Variants in CYP7B1 observed in about 807,000 individuals in gnomAD.
CYP7B1 encodes cytochrome P450 7B1.
Under a neutral mutation model 42.7 loss-of-function variants are expected in CYP7B1, and 29 were observed. The ratio of observed to expected loss-of-function variants is 0.68; its 90% CI spans 0.51 to 0.93. CYP7B1 has a LOEUF of 0.93. Among genes scored for constraint, CYP7B1 ranks in the 40% least tolerant of loss-of-function variants. CYP7B1 has a pLI of 0.00. For missense variants in CYP7B1, 655 were observed against 600.5 expected (o/e 1.09, Z -0.95); for synonymous variants, 235 against 218.2 (o/e 1.08, Z -0.68).
intron 1 of CYP7B1, among the ~76,000 whole-genome samples, chr8:64,650,792 T>C (rs1302537165): frequency 6.6e-6 from 1 of 152,208 alleles, no homozygotes; most frequent in Non-Finnish European, 1.5e-5. Flanking sequence ...AAACTTACAA[T>C]TTAATAACAT....
intron 1 of CYP7B1, among the ~76,000 whole-genome samples, chr8:64,733,621 C>A (rs1320385364): frequency 6.6e-6 from 1 of 152,128 alleles, no homozygotes; most frequent in Admixed American, 6.6e-5. Flanking sequence ...CTGACACAGG[C>A]TTGGCATTTT....
At chr8:64,664,431 T>C (rs1806245075) in intron 1 of CYP7B1, among the ~76,000 whole-genome samples, 1 of 152,214 alleles carries the variant, frequency 6.6e-6, no homozygotes, top group Non-Finnish European at 1.5e-5. Context: ...ATTTAATCTC[T>C]ACAGCCACCC....
intron 1 of CYP7B1, among the ~76,000 whole-genome samples, chr8:64,756,781 C>G (rs1807814661): frequency 6.6e-6 from 1 of 152,172 alleles, no homozygotes; most frequent in Non-Finnish European, 1.5e-5. Flanking sequence ...CACTAATTTT[C>G]TTTGTAACTT....
At position 64,604,746 on chromosome 8, in the gene CYP7B1, C is replaced by G. The variant is rs1805251940; in HGVS notation, c.1169G>C (p.Gly390Ala). The stretch of plus-strand genomic sequence containing the variant: ...TGGAGGAAAGATGGCTACCAAGTCT[C>G]CCTTTCGCACACAGTAGTCCCCGGT... ...SETGDYCVRK[G>A]DLVAIFPPVL... The change falls in exon 5 of 6, where the codon GGA becomes GCA. Residue 390 changes from glycine to alanine, a missense_variant. By Grantham distance (60) the Gly-to-Ala change is moderately conservative. Transcript: ENST00000310193. 6.2e-7 allele frequency: 1 copy of G among 1,614,044 alleles called. No individual in the cohort carries two copies. The highest frequency in any genetic ancestry group is 1.1e-5 in the South Asian group (1 of 91,080).
At chr8:64,779,758 C>T (rs1050233345) in intron 1 of CYP7B1, among the ~76,000 whole-genome samples, 2 of 152,120 alleles carry the variant, frequency 1.3e-5, no homozygotes, top group African/African-American at 4.8e-5. Flanking sequence ...TCTCATCCTA[C>T]TATTATTTGT....
chr8:64,786,909 C>G (rs1224978955), intron 1 of CYP7B1, among the ~76,000 whole-genome samples: 1 of 152,230 alleles, frequency 6.6e-6, no homozygotes, highest in East Asian at 1.9e-4. Flanking sequence ...CACCCACAGG[C>G]TCAACACCAC....
chr8:64,730,901 TC>T (rs2129633072), intron 1 of CYP7B1, among the ~76,000 whole-genome samples: 1 of 152,132 alleles, frequency 6.6e-6, no homozygotes, highest in East Asian at 1.9e-4. Context: ...ATGGAAGCGG[TC>T]CCCTCATGCT....
chr8:64,714,950 C>A (rs1807133603), intron 1 of CYP7B1, among the ~76,000 whole-genome samples: 1 of 152,102 alleles, frequency 6.6e-6, no homozygotes, highest in South Asian at 2.1e-4. Flanking sequence ...GGAATTTAAA[C>A]CATCCAACAA....
intron 1 of CYP7B1, among the ~76,000 whole-genome samples, chr8:64,785,779 T>C (rs1184040607): frequency 1.3e-5 from 2 of 152,096 alleles, no homozygotes; most frequent in Non-Finnish European, 2.9e-5. Flanking sequence ...ATACTGTAAC[T>C]GTATTAGTTC....
intron 1 of CYP7B1, among the ~76,000 whole-genome samples, chr8:64,744,864 C>A (rs1407971958): frequency 2.0e-5 from 3 of 152,088 alleles, no homozygotes; most frequent in East Asian, 1.9e-4. Flanking sequence ...TAGCAAATAA[C>A]CCATTTAAAC....
chr8:64,710,637 C>A (rs906543384), intron 1 of CYP7B1, among the ~76,000 whole-genome samples: 63 of 152,092 alleles, frequency 4.1e-4, no homozygotes, highest in Non-Finnish European at 5.1e-4. Context: ...GATTCAGAAA[C>A]CTCCTTTGTA....
At chr8:64,786,128 G>T (rs112159589) in intron 1 of CYP7B1, among the ~76,000 whole-genome samples, 6,266 of 152,172 alleles carry the variant, frequency 0.041, 162 homozygotes, top group Non-Finnish European at 0.061. Context: ...ATGAGATTTG[G>T]GTGGGGGAAC....
intron 1 of CYP7B1, among the ~76,000 whole-genome samples, chr8:64,768,715 C>A (rs1312979744): frequency 1.3e-5 from 2 of 152,120 alleles, no homozygotes; most frequent in African/African-American, 2.4e-5. Context: ...AGCAAAGTAG[C>A]TTATCTAAGA....
chr8:64,693,840 C>A (rs1183818772), intron 1 of CYP7B1, among the ~76,000 whole-genome samples: 2 of 152,152 alleles, frequency 1.3e-5, no homozygotes, highest in African/African-American at 2.4e-5. Context: ...TCCTAGCAAC[C>A]AAGCCTGTGA....
chr8:64,774,003 G>A (rs1257008303), intron 1 of CYP7B1, among the ~76,000 whole-genome samples: 4 of 152,122 alleles, frequency 2.6e-5, no homozygotes, highest in Non-Finnish European at 5.9e-5. Flanking sequence ...ATGACCTTTG[G>A]GGGATACATT....
At position 64,624,532 on chromosome 8, in the gene CYP7B1, C is replaced by A. The variant is rs760725237; in HGVS notation, c.130G>T (p.Gly44Cys). The A allele has an allele frequency of 6.2e-7, 1 of 1,612,866 alleles. No individual in the cohort carries two copies. The highest frequency in any genetic ancestry group is 8.5e-7 in the Non-Finnish European group (1 of 1,179,762). ...CLLVRRTRRP[G>C]EPPLIKGWLP... ...CAACCTTTTATCAATGGAGGCTCAC[C>A]GGGTCTCCTACAAGGAAAAAAAAAA... Residue 44 changes from glycine (G) to cysteine (C), a missense_variant, in exon 2 of 6, where the codon GGT becomes TGT. Coordinates refer to ENST00000310193, the MANE Select transcript of CYP7B1 (RefSeq NM_004820.5).
chr8:64,729,926 T>C (rs1807383612), intron 1 of CYP7B1, among the ~76,000 whole-genome samples: 1 of 152,216 alleles, frequency 6.6e-6, no homozygotes, highest in Admixed American at 6.5e-5. Context: ...TTCACTAAGT[T>C]CCTCTGGCTG....
chr8:64,690,804 G>C (rs886150410), intron 1 of CYP7B1, among the ~76,000 whole-genome samples: 6 of 152,204 alleles, frequency 3.9e-5, no homozygotes, highest in Admixed American at 2.0e-4. Context: ...TCTGCTGTGG[G>C]ATGTGGATAC....
In CYP7B1 at chr8:64,594,420, G is replaced by T. The variant is rs1428953531; in HGVS notation, c.*2222C>A. 1.3e-5 allele frequency among the ~76,000 whole-genome samples: 2 copies of T among 152,070 alleles called. No individual in the cohort carries two copies. Among genetic ancestry groups the T allele is most frequent in the African/African-American group, 4.8e-5 (2 of 41,406 alleles). The stretch of plus-strand genomic sequence containing the variant: ...CAGAGCTTCATAAGAAAATTAGGAA[G>T]AATATAACTTACAGAAAATAGGTAC... On this transcript the variant is annotated 3_prime_UTR_variant, in exon 6 of 6. Transcript: ENST00000310193.
Sources: gnomAD v4.1 joint callset for allele counts (sites outside exome capture counted in the v4.1 genomes callset) on GRCh38, gnomAD v4.1.1 for gene constraint, MANE v1.5 for transcripts, NCBI Gene and HGNC (gene_info 2026-07-23, HGNC 2026-07-21) for gene names.